SMAD5: variants seen among roughly 807,000 people sequenced by gnomAD.
SMAD5 encodes SMAD family member 5.
In SMAD5, 9 loss-of-function variants were observed where a neutral mutation model predicts 43.1. That is an observed-to-expected ratio of 0.21 (90% CI 0.13 to 0.36). The LOEUF is 0.36. Ranked by LOEUF, SMAD5 falls within the 10% of genes least tolerant of loss-of-function variation. SMAD5 has a pLI of 1.00. For synonymous variants in SMAD5, 190 were observed against 192.4 expected, an observed-to-expected ratio of 0.99 and a Z score of 0.10; for missense variants, 348 against 574.0, an observed-to-expected ratio of 0.61 and a Z score of 4.02.
intron 5 of SMAD5, among the ~76,000 whole-genome samples, chr5:136,165,731 CATA>C (rs1391590722): frequency 3.3e-5 from 4 of 119,448 alleles, no homozygotes; most frequent in African/African-American, 1.3e-4. Context: ...AGGGCACATC[CATA>C]TTGTAGCAAT....
At chr5:136,163,460 A>G in intron 5 of SMAD5, 69 bp downstream of exon 5, 1 of 1,303,164 alleles carries the variant, frequency 7.7e-7, no homozygotes, top group East Asian at 2.6e-5. Context: ...TACTTTTTTA[A>G]AAACAGCTTT....
At chr5:136,135,422 A>G (rs1041876680) in intron 1 of SMAD5, among the ~76,000 whole-genome samples, 9 of 152,170 alleles carry the variant, frequency 5.9e-5, no homozygotes, top group Non-Finnish European at 1.3e-4. Context: ...ATTTGCAGTG[A>G]TGATCTTTTT....
At chr5:136,175,973 T>A (rs1754401959) in intron 7 of SMAD5, among the ~76,000 whole-genome samples, 1 of 152,082 alleles carries the variant, frequency 6.6e-6, no homozygotes, top group African/African-American at 2.4e-5. Flanking sequence ...GTGAAAAATT[T>A]CTATTTCAAT....
chr5:136,142,248 A>G (rs1753105553), intron 1 of SMAD5, among the ~76,000 whole-genome samples: 1 of 152,182 alleles, frequency 6.6e-6, no homozygotes, highest in South Asian at 2.1e-4. Context: ...TGCGGTAAGC[A>G]TATAAGAGGG....
rs1754540015 is a variant in SMAD5 at position 136,179,425 on chromosome 5, A to G, written c.*1945A>G. On this transcript the variant is annotated 3_prime_UTR_variant, in exon 8 of 8. Coordinates refer to ENST00000545279, the MANE Select transcript of SMAD5 (RefSeq NM_005903.7). ...ATATCATTCTTCTGTTTAAAATGTT[A>G]GTTTGGTTTGACTTTCCACTTTGTC... 3 of 152,294 alleles carry G rather than the reference A, an allele frequency of 2.0e-5. No homozygotes were observed. The South Asian group carries it at 6.2e-4, about 32-fold the overall frequency. 9.4% of individuals were successfully genotyped at this position (152,294 alleles called of 1,614,324 possible).
At chr5:136,141,054 A>G (rs1304355589) in intron 1 of SMAD5, among the ~76,000 whole-genome samples, 1 of 151,744 alleles carries the variant, frequency 6.6e-6, no homozygotes, top group Non-Finnish European at 1.5e-5. Context: ...GATTAGGGAA[A>G]CTCTATATAG....
intron 3 of SMAD5, among the ~76,000 whole-genome samples, chr5:136,154,908 A>G (rs1185691201): frequency 2.0e-5 from 3 of 152,186 alleles, no homozygotes; most frequent in Admixed American, 6.5e-5. Flanking sequence ...CCCCTAAGAC[A>G]GTATGCTATC....
intron 1 of SMAD5, among the ~76,000 whole-genome samples, chr5:136,137,960 T>C (rs1752944556): frequency 6.6e-6 from 1 of 152,204 alleles, no homozygotes; most frequent in Non-Finnish European, 1.5e-5. Context: ...CAGTCATGAT[T>C]TGGTATCTGC....
In SMAD5 at chr5:136,153,835, T is replaced by C. The variant is rs1753544330; in HGVS notation, c.75T>C (p.Asp25=). The change falls in exon 3 of 8, where the codon GAT becomes GAC. Residue 25 remains aspartate (D), a synonymous_variant. Coordinates refer to ENST00000545279, the MANE Select transcript of SMAD5 (RefSeq NM_005903.7). ...VKRLLGWKQG[D]EEEKWAEKAV... ...GATTGTTGGGCTGGAAACAAGGTGA[T>C]GAGGAGGAGAAATGGGCAGAAAAGG... 1.2e-6 allele frequency: 2 copies of C among 1,613,464 alleles called. No homozygotes were observed. The highest frequency in any genetic ancestry group is 2.7e-5 in the African/African-American group (2 of 74,852).
At chr5:136,143,951 A>T (rs1296690875) in intron 1 of SMAD5, among the ~76,000 whole-genome samples, 1 of 151,674 alleles carries the variant, frequency 6.6e-6, no homozygotes, top group African/African-American at 2.4e-5. Context: ...TTCTTCTTCC[A>T]CTTTCCAGTT....
At chr5:136,138,273 G>T (rs1054158423) in intron 1 of SMAD5, among the ~76,000 whole-genome samples, 2 of 152,228 alleles carry the variant, frequency 1.3e-5, no homozygotes, top group African/African-American at 4.8e-5. Flanking sequence ...GCAGTGAGAA[G>T]TGTTGGGAAT....
intron 3 of SMAD5, among the ~76,000 whole-genome samples, chr5:136,156,880 T>C (rs1753655872): frequency 6.6e-6 from 1 of 152,172 alleles, no homozygotes; most frequent in African/African-American, 2.4e-5. Flanking sequence ...AAAGAGACTA[T>C]AGAGACCTCA....
intron 1 of SMAD5, among the ~76,000 whole-genome samples, chr5:136,143,843 C>A (rs1283608609): frequency 1.3e-5 from 2 of 151,914 alleles, no homozygotes; most frequent in African/African-American, 2.4e-5. Context: ...AGTTGCTAAA[C>A]CCCCTCAACC....
At chr5:136,144,315 A>T (rs2149762284) in intron 1 of SMAD5, among the ~76,000 whole-genome samples, 1 of 152,112 alleles carries the variant, frequency 6.6e-6, no homozygotes, top group Middle Eastern at 3.4e-3. Flanking sequence ...AATTACTGTA[A>T]CAAGACTTGG....
chr5:136,152,218 G>A (rs1049818112), intron 2 of SMAD5, among the ~76,000 whole-genome samples: 2 of 152,110 alleles, frequency 1.3e-5, no homozygotes, highest in Non-Finnish European at 2.9e-5. Flanking sequence ...TGGTACTTTA[G>A]TAGGCTCTCA....
At chr5:136,170,649 C>T (rs892213670) in intron 5 of SMAD5, among the ~76,000 whole-genome samples, 7 of 152,118 alleles carry the variant, frequency 4.6e-5, no homozygotes, top group East Asian at 1.9e-4. Context: ...GGCATTATTA[C>T]TCTATAGATT....
Position 136,180,094 on chromosome 5 carries a change from G to A in SMAD5, c.*2614G>A, listed in dbSNP as rs1338281921. ...TATAAGCCTGTTGTATCTCCTAAAA[G>A]TTGTCAACTCCCCACCCTTGGACTT... On this transcript the variant is annotated 3_prime_UTR_variant, in exon 8 of 8. Transcript: ENST00000545279. 2 of 152,070 alleles carry A rather than the reference G, an allele frequency of 1.3e-5. No individual in the cohort carries two copies. Among genetic ancestry groups the A allele is most frequent in the African/African-American group, 4.8e-5 (2 of 41,422 alleles). 9.4% of individuals were successfully genotyped at this position (152,070 alleles called of 1,614,324 possible).
chr5:136,137,227 A>G (rs1359986593), intron 1 of SMAD5, among the ~76,000 whole-genome samples: 6 of 151,428 alleles, frequency 4.0e-5, no homozygotes, highest in Non-Finnish European at 8.8e-5. Context: ...CTAGTTATTA[A>G]CATAACATTT....
chr5:136,154,243 G>A (rs1753560717), intron 3 of SMAD5, 80 bp downstream of exon 3: 3 of 840,840 alleles, frequency 3.6e-6, no homozygotes, highest in Admixed American at 3.6e-5. Context: ...ACTAGATTTA[G>A]TAATGAAAAG....
Sources: allele counts gnomAD v4.1 joint callset (sites outside exome capture counted in the v4.1 genomes callset), GRCh38; gene constraint gnomAD v4.1.1; transcripts MANE v1.5; gene names NCBI Gene and HGNC (gene_info 2026-07-23, HGNC 2026-07-21).